LINGO2: variants seen among roughly 807,000 people sequenced by gnomAD.
The protein encoded by LINGO2 is leucine rich repeat and Ig domain containing 2.
Under a neutral mutation model 30.6 loss-of-function variants are expected in LINGO2, and 14 were observed. That is an observed-to-expected ratio of 0.46 (90% CI 0.30 to 0.72). LINGO2 has a LOEUF of 0.72. Ranked by LOEUF, LINGO2 falls within the 30% of genes least tolerant of loss-of-function variation. The pLI is 0.07. For synonymous variants in LINGO2, 317 were observed against 288.5 expected, an observed-to-expected ratio of 1.10 and a Z score of -1.00; for missense variants, 729 against 751.7, an observed-to-expected ratio of 0.97 and a Z score of 0.35.
At chr9:28,217,193 G>A (rs1439387845) in intron 4 of LINGO2, among the ~76,000 whole-genome samples, 1 of 151,034 alleles carries the variant, frequency 6.6e-6, no homozygotes, top group Non-Finnish European at 1.5e-5. Flanking sequence ...ATTGAGTGGT[G>A]TATTATTTTT....
chr9:29,032,857 T>G, the LINGO2 span, among the ~76,000 whole-genome samples: 19 of 152,156 alleles, frequency 1.2e-4, no homozygotes, highest in Admixed American at 1.2e-3. Flanking sequence ...ACTACATATA[T>G]AGAACATTTC....
the LINGO2 span, among the ~76,000 whole-genome samples, chr9:28,918,129 A>T: frequency 6.6e-6 from 1 of 152,164 alleles, no homozygotes; most frequent in African/African-American, 2.4e-5. Flanking sequence ...AAAAAGGCTT[A>T]ATCGGACTTA....
chr9:28,796,802 C>T, the LINGO2 span, among the ~76,000 whole-genome samples: 1 of 151,778 alleles, frequency 6.6e-6, no homozygotes, highest in African/African-American at 2.4e-5. Flanking sequence ...TGCTGTCAAA[C>T]ACTGGGATGC....
chr9:28,271,683 T>A (rs773119050), intron 4 of LINGO2, among the ~76,000 whole-genome samples: 4 of 152,174 alleles, frequency 2.6e-5, no homozygotes, highest in Non-Finnish European at 5.9e-5. Flanking sequence ...AAAGCCTTCA[T>A]GTGGTATTCT....
chr9:29,097,210 C>T, the LINGO2 span, among the ~76,000 whole-genome samples: 8 of 138,472 alleles, frequency 5.8e-5, 1 homozygote, highest in Non-Finnish European at 1.3e-4. Context: ...ATTTTGTAAA[C>T]ATCATAAAGC....
the LINGO2 span, among the ~76,000 whole-genome samples, chr9:28,688,086 C>T: frequency 1.9e-4 from 29 of 152,110 alleles, no homozygotes; most frequent in African/African-American, 2.4e-5. Context: ...CACTTGTATG[C>T]GCACTCCCCT....
intron 1 of LINGO2, chr9:28,599,111 T>A (rs1426896977): frequency 6.6e-6 from 1 of 152,126 alleles, no homozygotes; most frequent in East Asian, 1.9e-4. Context: ...GTGAAAACAG[T>A]CTCTGCAGCA....
chr9:28,171,222 G>A (rs988153761), intron 4 of LINGO2, among the ~76,000 whole-genome samples: 3 of 152,200 alleles, frequency 2.0e-5, no homozygotes, highest in African/African-American at 7.2e-5. Flanking sequence ...TGGAAGGAGA[G>A]GTGGGTGTAG....
At chr9:28,158,164 G>A (rs1395052024) in intron 4 of LINGO2, among the ~76,000 whole-genome samples, 1 of 152,202 alleles carries the variant, frequency 6.6e-6, no homozygotes, top group African/African-American at 2.4e-5. Context: ...CACGGCAGAA[G>A]GTGAAAGGCA....
chr9:27,949,399 C>T (rs1162964463), exon 6 of LINGO2: 1 of 1,614,014 alleles, frequency 6.2e-7, no homozygotes, highest in Admixed American at 1.7e-5. Context: ...ACTGTCTGCC[C>T]TTCATCTACT....
chr9:28,827,347 A>G, the LINGO2 span, among the ~76,000 whole-genome samples: 1 of 152,152 alleles, frequency 6.6e-6, no homozygotes, highest in Admixed American at 6.5e-5. Flanking sequence ...TGCCAAACAC[A>G]ATTTGTAGTT....
intron 4 of LINGO2, among the ~76,000 whole-genome samples, chr9:28,020,130 C>T (rs151051430): frequency 2.0e-5 from 3 of 152,232 alleles, no homozygotes; most frequent in East Asian, 3.9e-4. Flanking sequence ...GCCATCTCTG[C>T]GTTAACATTT....
the LINGO2 span, among the ~76,000 whole-genome samples, chr9:28,781,135 G>T: frequency 2.6e-5 from 4 of 151,874 alleles, no homozygotes; most frequent in Non-Finnish European, 5.9e-5. Flanking sequence ...GAGGGGTTTG[G>T]CCTTACATTA....
intron 5 of LINGO2, among the ~76,000 whole-genome samples, chr9:28,011,088 A>G (rs1047580618): frequency 2.0e-5 from 3 of 152,266 alleles, no homozygotes; most frequent in Admixed American, 1.3e-4. Context: ...AAATTGAGTG[A>G]CATTACGTCA....
At chr9:28,336,317 A>C (rs999365788) in intron 3 of LINGO2, among the ~76,000 whole-genome samples, 9 of 152,224 alleles carry the variant, frequency 5.9e-5, no homozygotes, top group Middle Eastern at 6.8e-3. Flanking sequence ...TTATTAATAC[A>C]AGTCATTTGA....
At chr9:28,210,311 C>T (rs1157685520) in intron 4 of LINGO2, among the ~76,000 whole-genome samples, 1 of 151,368 alleles carries the variant, frequency 6.6e-6, no homozygotes, top group Non-Finnish European at 1.5e-5. Context: ...GTCCCTAGAC[C>T]ACAGATTTGT....
intron 4 of LINGO2, among the ~76,000 whole-genome samples, chr9:28,111,316 A>C (rs1411241264): frequency 6.6e-6 from 1 of 151,806 alleles, no homozygotes; most frequent in Non-Finnish European, 1.5e-5. Flanking sequence ...TAATGGATTG[A>C]TAGGTGGAGC....
At chr9:28,061,937 C>T (rs747688169) in intron 4 of LINGO2, among the ~76,000 whole-genome samples, 17 of 152,040 alleles carry the variant, frequency 1.1e-4, no homozygotes, top group Non-Finnish European at 2.2e-4. Context: ...GCATTTTTCA[C>T]AGTGCCTGGC....
chr9:28,520,676 G>A (rs761306077), intron 1 of LINGO2, among the ~76,000 whole-genome samples: 1 of 152,100 alleles, frequency 6.6e-6, no homozygotes, highest in Non-Finnish European at 1.5e-5. Context: ...ATTGAATAAA[G>A]AGTTGTGGAA....
Sources: allele counts gnomAD v4.1 joint callset (sites outside exome capture counted in the v4.1 genomes callset), GRCh38; gene constraint gnomAD v4.1.1; transcripts MANE v1.5; gene names NCBI Gene and HGNC (gene_info 2026-07-23, HGNC 2026-07-21).